The following GLB1L3 variants were observed in gnomAD, a reference collection of about 807,000 sequenced individuals.
GLB1L3 encodes the protein beta-galactosidase-1-like protein 3.
In GLB1L3, 89 loss-of-function variants were observed where a neutral mutation model predicts 89.5. The ratio of observed to expected loss-of-function variants is 0.99; its 90% CI spans 0.84 to 1.19. The LOEUF is 1.19. Ranked by LOEUF, GLB1L3 falls within the 50% of genes most tolerant of loss-of-function variation. The pLI is 0.00. For missense variants in GLB1L3, 812 were observed against 813.3 expected (o/e 1.00, Z 0.02); for synonymous variants, 314 against 312.3 (o/e 1.01, Z -0.06).
intron 9 of GLB1L3, among the ~76,000 whole-genome samples, chr11:134,306,560 C>T (rs1942213072): frequency 6.6e-6 from 1 of 152,144 alleles, no homozygotes; most frequent in Non-Finnish European, 1.5e-5. Context: ...CAGAGGACTC[C>T]AGGAGTGCAG....
intron 1 of GLB1L3, 107 bp from the exon 2 acceptor site, chr11:134,277,219 C>G (rs776187311): frequency 3.5e-6 from 5 of 1,449,150 alleles, no homozygotes; most frequent in Non-Finnish European, 4.8e-6. Flanking sequence ...TCGCGGGCCC[C>G]CTCCCTGGCT....
chr11:134,288,088 G>T (rs1309895807), intron 6 of GLB1L3, among the ~76,000 whole-genome samples: 1 of 152,210 alleles, frequency 6.6e-6, no homozygotes, highest in Non-Finnish European at 1.5e-5. Flanking sequence ...CCCTGAAAGA[G>T]GATACTCTGA....
At chr11:134,278,674 T>C (rs897803913) in intron 3 of GLB1L3, among the ~76,000 whole-genome samples, 7 of 152,188 alleles carry the variant, frequency 4.6e-5, no homozygotes, top group Admixed American at 4.6e-4. Flanking sequence ...GTGGCAAGCT[T>C]ACCATCACAC....
intron 5 of GLB1L3, among the ~76,000 whole-genome samples, chr11:134,282,397 G>A (rs868514587): frequency 3.7e-4 from 56 of 152,146 alleles, no homozygotes; most frequent in African/African-American, 6.5e-4. Flanking sequence ...GGGTGTGCGC[G>A]GGGAGAGGTG....
intron 7 of GLB1L3, among the ~76,000 whole-genome samples, chr11:134,291,740 C>T (rs1941371730): frequency 6.6e-6 from 1 of 152,080 alleles, no homozygotes; most frequent in Admixed American, 6.6e-5. Context: ...TTTGGGAGTA[C>T]AAGGCGGGAG....
At chr11:134,302,810 G>A (rs536461885) in intron 9 of GLB1L3, among the ~76,000 whole-genome samples, 16 of 152,220 alleles carry the variant, frequency 1.1e-4, no homozygotes, top group African/African-American at 3.4e-4. Context: ...GCGGTACTGG[G>A]TGCAGTATTC....
chr11:134,290,731 A>G (rs1431477557), intron 7 of GLB1L3, among the ~76,000 whole-genome samples: 1 of 152,042 alleles, frequency 6.6e-6, no homozygotes, highest in Non-Finnish European at 1.5e-5. Flanking sequence ...AGATGTCCCC[A>G]TCCCTGCAGC....
chr11:134,311,091 T>C lies in GLB1L3; in HGVS notation c.1208T>C (p.Leu403Pro). 1.2e-6 allele frequency: 2 copies of C among 1,613,758 alleles called. No homozygotes were observed. The highest frequency in any genetic ancestry group is 1.1e-5 in the South Asian group (1 of 91,058). ...SATPLPRVPK[L>P]PPKAVYPPVR... ...ACTCCCCTGCCCCGAGTACCCAAACTTCCTCCCAAGGCTGTGTATCCCCCC... is the reference window on the plus strand; with the variant it reads ...ACTCCCCTGCCCCGAGTACCCAAACCTCCTCCCAAGGCTGTGTATCCCCCC... The change falls in exon 13 of 20, where the codon CTT (leucine) becomes CCT (proline). Residue 403 changes from leucine (L) to proline (P), a missense_variant. Transcript: ENST00000431683.
intron 18 of GLB1L3, among the ~76,000 whole-genome samples, chr11:134,314,947 A>G (rs559999668): frequency 6.6e-6 from 1 of 152,232 alleles, no homozygotes; most frequent in Non-Finnish European, 1.5e-5. Flanking sequence ...GAATGTACAG[A>G]TCAACAAATG....
At position 134,276,669 on chromosome 11, in the gene GLB1L3, C is replaced by A; in HGVS notation, c.-72C>A. ...CGGAACCGGGGCTCGAGTCCCGGCC[C>A]GAGCGCGGCGTCGGGGCCAGCGGAG... On this transcript the variant is annotated 5_prime_UTR_variant, in exon 1 of 20. Transcript: ENST00000431683. 7.6e-7 allele frequency: 1 copy of A among 1,322,454 alleles called. No homozygotes were observed. Among genetic ancestry groups the A allele is most frequent in the Non-Finnish European group, 9.7e-7 (1 of 1,026,580 alleles). The allele number at this position is 1,322,454 out of a possible 1,614,324, so 81.9% of individuals were successfully genotyped here. A position where few individuals can be genotyped will look rare whatever the true frequency, so the allele number is the denominator to read the frequency against.
At chr11:134,314,929 C>T (rs1942915566) in intron 18 of GLB1L3, among the ~76,000 whole-genome samples, 1 of 151,946 alleles carries the variant, frequency 6.6e-6, no homozygotes, top group Admixed American at 6.6e-5. Flanking sequence ...CATAAATGTA[C>T]AAAATGTGAA....
upstream of GLB1L3, chr11:134,275,792 C>G (rs1940347746): frequency 6.6e-6 from 1 of 152,318 alleles, no homozygotes; most frequent in Admixed American, 6.5e-5. Context: ...CCGGACTCCT[C>G]TCTGTGTCAC....
At chr11:134,325,125 G>A in the GLB1L3 span, among the ~76,000 whole-genome samples, 1 of 152,082 alleles carries the variant, frequency 6.6e-6, no homozygotes, top group Non-Finnish European at 1.5e-5. Flanking sequence ...ATTGTTTTTG[G>A]ACATTAAATC....
intron 9 of GLB1L3, among the ~76,000 whole-genome samples, chr11:134,303,426 T>G (rs1942041462): frequency 6.6e-6 from 1 of 152,222 alleles, no homozygotes; most frequent in Non-Finnish European, 1.5e-5. Flanking sequence ...CTTTACAATC[T>G]TGGCTTCTTT....
chr11:134,310,928 G>T, intron 12 of GLB1L3, 136 bp from the exon 13 acceptor site: 1 of 696,466 alleles, frequency 1.4e-6, no homozygotes, highest in East Asian at 2.5e-5. Context: ...GTTACTCTTT[G>T]TAAAGCTCTT....
chr11:134,277,616 C>G, intron 2 of GLB1L3, 84 bp from the exon 3 acceptor site: 1 of 1,524,730 alleles, frequency 6.6e-7, no homozygotes, highest in Non-Finnish European at 9.0e-7. Context: ...AACTTCTTTT[C>G]GCTAGGGTTT....
Position 134,277,078 on chromosome 11 carries a change from G to C in GLB1L3, c.24-248G>C. ...CCTCCGCCTCTCCCAGGCACCCACC[G>C]GCACTGCCCAGCCCTGTCTGGAGGG... On this transcript the variant is annotated intron_variant, in intron 1 of 19. Transcript: ENST00000431683. The C allele has an allele frequency of 1.5e-5, 9 of 588,382 alleles. No individual in the cohort carries two copies. In the South Asian group the frequency reaches 1.7e-4, roughly 11 times the overall value. The allele number at this position is 588,382 out of a possible 1,614,324, so 36.4% of individuals were successfully genotyped here.
intron 9 of GLB1L3, among the ~76,000 whole-genome samples, chr11:134,302,770 T>A (rs1942011798): frequency 6.6e-6 from 1 of 152,204 alleles, no homozygotes; most frequent in Non-Finnish European, 1.5e-5. Flanking sequence ...TTTTGGTAAA[T>A]GCCCTGTGTG....
In GLB1L3 at chr11:134,305,137, T is replaced by G. The variant is rs866429555; in HGVS notation, c.877-1987T>G. 7.9e-6 allele frequency: 12 copies of G among 1,523,278 alleles called. No homozygotes were observed. In the Middle Eastern group the frequency reaches 1.5e-3, roughly 192 times the overall value. 94.4% of individuals were successfully genotyped at this position (1,523,278 alleles called of 1,614,324 possible). A position where few individuals can be genotyped will look rare whatever the true frequency, so the allele number is the denominator to read the frequency against. On this transcript the variant is annotated intron_variant, in intron 9 of 19. Transcript: ENST00000431683. ...CAGGGAGCCAGTATAGATGCAGGAC[T>G]GCTCTCAGATGCCTCACAAGCAGCA...
Sources: allele counts gnomAD v4.1 joint callset (sites outside exome capture counted in the v4.1 genomes callset), GRCh38; gene constraint gnomAD v4.1.1; transcripts MANE v1.5; gene names NCBI Gene and HGNC (gene_info 2026-07-23, HGNC 2026-07-21).